C12orf54: variants seen among roughly 807,000 people sequenced by gnomAD.
C12orf54 encodes the protein chromosome 12 open reading frame 54.
C12orf54 carries 24 observed loss-of-function variants against 26.4 expected under a neutral mutation model. The ratio of observed to expected loss-of-function variants is 0.91; its 90% CI spans 0.66 to 1.28. The LOEUF (loss-of-function observed/expected upper bound fraction) is 1.28. C12orf54 is among the 50% of genes most tolerant of loss of function. The pLI, the probability that C12orf54 is intolerant of heterozygous loss-of-function variation, is 0.00. For synonymous variants in C12orf54, 54 were observed against 47.0 expected (o/e 1.15, Z -0.61); for missense variants, 154 against 150.9 (o/e 1.02, Z -0.11).
At chr12:48,415,907 C>T in the C12orf54 span, among the ~76,000 whole-genome samples, 4 of 152,274 alleles carry the variant, frequency 2.6e-5, no homozygotes, top group East Asian at 1.9e-4. Context: ...CCTCAAGTTT[C>T]GCCTTCCTAA....
upstream of C12orf54, among the ~76,000 whole-genome samples, chr12:48,477,959 G>A (rs1283236114): frequency 6.6e-6 from 1 of 152,102 alleles, no homozygotes; most frequent in East Asian, 1.9e-4. Context: ...GAGAAATTTA[G>A]ACCAATATCC....
chr12:48,488,495 A>C (rs77875864), intron 4 of C12orf54: 816 of 333,788 alleles, frequency 2.4e-3, no homozygotes, highest in South Asian at 4.0e-3. Flanking sequence ...AAAAAAAAAA[A>C]GAAAGAAAGA....
the C12orf54 span, among the ~76,000 whole-genome samples, chr12:48,434,826 A>G: frequency 2.0e-5 from 3 of 152,250 alleles, no homozygotes; most frequent in African/African-American, 7.2e-5. Flanking sequence ...ACAGAACAGA[A>G]AAAACAGAAA....
chr12:48,453,791 T>C, the C12orf54 span, among the ~76,000 whole-genome samples: 1 of 151,402 alleles, frequency 6.6e-6, no homozygotes, highest in Non-Finnish European at 1.5e-5. Flanking sequence ...ATAAGCATAA[T>C]ATCATATATC....
At chr12:48,449,781 C>A in the C12orf54 span, among the ~76,000 whole-genome samples, 1 of 152,182 alleles carries the variant, frequency 6.6e-6, no homozygotes, top group East Asian at 1.9e-4. Flanking sequence ...TAAAATTGTT[C>A]CATGATATGA....
chr12:48,421,135 G>A, the C12orf54 span, among the ~76,000 whole-genome samples: 2 of 152,096 alleles, frequency 1.3e-5, no homozygotes, highest in Non-Finnish European at 1.5e-5. Flanking sequence ...AGAAATACCT[G>A]AGCTTGGGTA....
upstream of C12orf54, among the ~76,000 whole-genome samples, chr12:48,481,826 C>A (rs1265302281): frequency 1.3e-5 from 2 of 152,164 alleles, no homozygotes; most frequent in African/African-American, 4.8e-5. Context: ...ACGACCTCCC[C>A]ATGTAGGCAC....
the C12orf54 span, among the ~76,000 whole-genome samples, chr12:48,438,197 G>A: frequency 1.3e-5 from 2 of 152,104 alleles, no homozygotes; most frequent in Non-Finnish European, 2.9e-5. Context: ...AACTTACAAG[G>A]GACGTGAAGG....
chr12:48,490,969 C>T (rs970037095), intron 6 of C12orf54, 133 bp downstream of exon 6: 25 of 1,125,920 alleles, frequency 2.2e-5, no homozygotes, highest in Middle Eastern at 4.1e-4. Flanking sequence ...ATCCCAAAGT[C>T]TCACCCTAGG....
At chr12:48,432,516 A>G in the C12orf54 span, among the ~76,000 whole-genome samples, 148 of 73,770 alleles carry the variant, frequency 2.0e-3, no homozygotes, top group African/African-American at 8.5e-3. Context: ...TGATCCTAAC[A>G]GAAAGATATC....
intron 5 of C12orf54, 48 bp from the exon 6 acceptor site, chr12:48,490,764 A>G (rs1023944596): frequency 3.7e-6 from 6 of 1,606,340 alleles, no homozygotes; most frequent in Non-Finnish European, 5.1e-6. Flanking sequence ...GCAGGTCTGC[A>G]GGAGACCAGC....
chr12:48,446,549 G>T, the C12orf54 span, among the ~76,000 whole-genome samples: 1 of 152,138 alleles, frequency 6.6e-6, no homozygotes, highest in Non-Finnish European at 1.5e-5. Flanking sequence ...TGAAAACCCT[G>T]GGGGCAGCTG....
In C12orf54 at chr12:48,483,374, A is replaced by T; in HGVS notation, c.65+13A>T. The T allele has an allele frequency of 1.2e-6, 2 of 1,612,466 alleles. No individual in the cohort carries two copies. The highest frequency in any genetic ancestry group is 1.7e-6 in the Non-Finnish European group (2 of 1,178,576). On this transcript the variant is annotated intron_variant, in intron 2 of 8. Transcript: ENST00000548364. The stretch of plus-strand genomic sequence containing the variant: ...AGCAGCAGAGAAGGTAATGGGGCTA[A>T]TGATGACCCTCAAACATCCTTAGAT...
At chr12:48,430,406 C>T in the C12orf54 span, among the ~76,000 whole-genome samples, 1 of 152,126 alleles carries the variant, frequency 6.6e-6, no homozygotes, top group Non-Finnish European at 1.5e-5. Flanking sequence ...ATCTATACAT[C>T]TGACAAAGGG....
the C12orf54 span, among the ~76,000 whole-genome samples, chr12:48,428,290 C>A: frequency 6.6e-6 from 1 of 151,286 alleles, no homozygotes; most frequent in Non-Finnish European, 1.5e-5. Context: ...CAAACCCAAA[C>A]CCAGCAGAAG....
At chr12:48,441,378 G>A in the C12orf54 span, among the ~76,000 whole-genome samples, 316 of 152,236 alleles carry the variant, frequency 2.1e-3, no homozygotes, top group Middle Eastern at 3.4e-3. Flanking sequence ...CAGGGGAATC[G>A]TTTGAAGCTG....
chr12:48,478,498 C>A (rs1327405692), upstream of C12orf54, among the ~76,000 whole-genome samples: 1 of 152,042 alleles, frequency 6.6e-6, no homozygotes, highest in Non-Finnish European at 1.5e-5. Context: ...TCTAGAAAAC[C>A]CCATCATCTC....
At chr12:48,488,534 T>A (rs1200660054) in intron 4 of C12orf54, 2 of 388,210 alleles carry the variant, frequency 5.2e-6, no homozygotes, top group Non-Finnish European at 9.5e-6. Flanking sequence ...TTTTCCAAAG[T>A]GAGCATATGA....
chr12:48,443,164 C>G, the C12orf54 span, among the ~76,000 whole-genome samples: 1 of 152,198 alleles, frequency 6.6e-6, no homozygotes, highest in African/African-American at 2.4e-5. Flanking sequence ...TTCTCTCTCT[C>G]TCTACTTTTA....
Sources: gnomAD v4.1 joint callset for allele counts (sites outside exome capture counted in the v4.1 genomes callset) on GRCh38, gnomAD v4.1.1 for gene constraint, MANE v1.5 for transcripts, NCBI Gene and HGNC (gene_info 2026-07-23, HGNC 2026-07-21) for gene names.